Variants in ZIC1 observed in about 807,000 individuals in gnomAD.
The protein encoded by ZIC1 is zinc finger protein ZIC 1.
Under a neutral mutation model 30.9 loss-of-function variants are expected in ZIC1, and 4 were observed. The observed-to-expected ratio is 0.13, with a 90% CI of 0.06 to 0.30. The LOEUF is 0.30. ZIC1 is among the 10% of genes least tolerant of loss of function. The pLI, the probability that ZIC1 is intolerant of heterozygous loss-of-function variation, is 1.00. For synonymous variants in ZIC1, 305 were observed against 277.5 expected (o/e 1.10, Z -0.98); for missense variants, 441 against 639.3 (o/e 0.69, Z 3.34).
Position 147,410,025 on chromosome 3 carries a change from T to C in ZIC1, c.-88T>C, listed in dbSNP as rs2087350916. The C allele has an allele frequency of 4.5e-6, 6 of 1,346,604 alleles. No homozygotes were observed. The highest frequency in any genetic ancestry group is 5.8e-6 in the Non-Finnish European group (6 of 1,031,256). The allele number at this position is 1,346,604 out of a possible 1,614,324, so 83.4% of individuals were successfully genotyped here. A position where few individuals can be genotyped will look rare whatever the true frequency, so the allele number is the denominator to read the frequency against. Reference sequence around the variant, plus strand: ...TTCTTCCTCCTCTTCCTCCTCCTCTTGTTCCTCCTCCTCCTCCCGATTTTC... The same window carrying C: ...TTCTTCCTCCTCTTCCTCCTCCTCTCGTTCCTCCTCCTCCTCCCGATTTTC... On this transcript the variant is annotated 5_prime_UTR_variant, in exon 1 of 3. Transcript: ENST00000282928.
chr3:147,413,247 G>A, intron 2 of ZIC1, 107 bp from the exon 3 acceptor site: 2 of 1,218,502 alleles, frequency 1.6e-6, no homozygotes, highest in Middle Eastern at 2.8e-4. Context: ...CCTGTGTTCA[G>A]GGGGCTCCAA....
chr3:147,411,205 A>G, intron 1 of ZIC1, 111 bp downstream of exon 1: 2 of 1,426,944 alleles, frequency 1.4e-6, no homozygotes, highest in South Asian at 1.4e-5. Flanking sequence ...CCCGGGCGTC[A>G]GGTTCCGGCA....
Position 147,412,690 on chromosome 3 carries a change from C to G in ZIC1, c.1146+9C>G. 3 of 1,604,622 alleles carry G rather than the reference C, an allele frequency of 1.9e-6. No individual in the cohort carries two copies. Among genetic ancestry groups the G allele is most frequent in the Non-Finnish European group, 2.6e-6 (3 of 1,172,480 alleles). ...TGCGCAAACACATGAAGGTAATCGC[C>G]GCACTCTCGTCGCCCCCTTTGAGGC... On this transcript the variant is annotated intron_variant, in intron 2 of 2. Coordinates refer to ENST00000282928, the MANE Select transcript of ZIC1 (RefSeq NM_003412.4).
rs899861671 is a variant in ZIC1, at chr3:147,411,145, C to G, written c.982+51C>G. On this transcript the variant is annotated intron_variant, in intron 1 of 2. Coordinates refer to ENST00000282928, the MANE Select transcript of ZIC1 (RefSeq NM_003412.4). Reference sequence around the variant, plus strand: ...ACCCATTCCCACTTGGGCCTGGGACCCAAACCGAAAGTCAGCGGCCAGGTC... The same window carrying G: ...ACCCATTCCCACTTGGGCCTGGGACGCAAACCGAAAGTCAGCGGCCAGGTC... The G allele has an allele frequency of 9.0e-6, 14 of 1,553,200 alleles. No homozygotes were observed. The East Asian group carries it at 3.2e-4, about 35-fold the overall frequency.
rs772693077 is a variant in ZIC1 at position 147,410,132 on chromosome 3, C to G, written c.20C>G (p.Pro7Arg). 1 of 1,585,792 alleles carries G rather than the reference C, an allele frequency of 6.3e-7. No homozygotes were observed. Among genetic ancestry groups the G allele is most frequent in the Non-Finnish European group, 8.5e-7 (1 of 1,173,484 alleles). Residue 7 changes from proline to arginine, a missense_variant, in exon 1 of 3, where the codon CCC becomes CGC. Coordinates refer to ENST00000282928, the MANE Select transcript of ZIC1 (RefSeq NM_003412.4). Reference protein sequence around the residue: MLLDAGPQYPAIGVTTF... With the variant: MLLDAGRQYPAIGVTTF... Reference sequence around the variant, plus strand: ...GCCACGATGCTCCTGGACGCCGGCCCCCAGTACCCAGCGATCGGCGTGACC... The same window carrying G: ...GCCACGATGCTCCTGGACGCCGGCCGCCAGTACCCAGCGATCGGCGTGACC...
chr3:147,412,790 G>T (rs1036653428), intron 2 of ZIC1, 109 bp downstream of exon 2: 9 of 1,406,574 alleles, frequency 6.4e-6, no homozygotes, highest in Non-Finnish European at 8.7e-6. Context: ...CAGAGGAAGC[G>T]GGAAGGCAAA....
In ZIC1 at chr3:147,415,557, AG is replaced by A. The variant is rs1408001323; in HGVS notation, c.*2008del. ...ACAACGTAGCCGGAGATCACAAATC[AG>A]GCCCTTGGCTGTAGTTGCTAGTGTG... On this transcript the variant is annotated 3_prime_UTR_variant, in exon 3 of 3. Coordinates refer to ENST00000282928, the MANE Select transcript of ZIC1 (RefSeq NM_003412.4). 2 of 152,684 alleles carry A rather than the reference AG, an allele frequency of 1.3e-5. No individual in the cohort carries two copies. Among genetic ancestry groups the A allele is most frequent in the African/African-American group, 4.8e-5 (2 of 41,458 alleles). 9.5% of individuals were successfully genotyped at this position (152,684 alleles called of 1,614,324 possible).
chr3:147,412,108 CG>C (rs2087386219), intron 1 of ZIC1, among the ~76,000 whole-genome samples: 1 of 148,676 alleles, frequency 6.7e-6, no homozygotes, highest in Admixed American at 6.7e-5. Context: ...TGCGGAGCGT[CG>C]GGGAGGGGGC....
chr3:147,412,813 T>C, intron 2 of ZIC1, 132 bp downstream of exon 2: 2 of 1,161,170 alleles, frequency 1.7e-6, no homozygotes, highest in Non-Finnish European at 2.4e-6. Flanking sequence ...TTCCACTCAG[T>C]GGAACTGGGC....
In ZIC1 at chr3:147,416,607, GACTGTGAAGGCCAA is replaced by G. The variant is rs916719445; in HGVS notation, c.*3058_*3071del. 1.3e-5 allele frequency: 2 copies of G among 152,178 alleles called. No homozygotes were observed. Among genetic ancestry groups the G allele is most frequent in the African/African-American group, 4.8e-5 (2 of 41,432 alleles). The allele number at this position is 152,178 out of a possible 1,614,324, so 9.4% of individuals were successfully genotyped here. ...ACTCCATATTTCAAATATCTGTTTA[GACTGTGAAGGCCAA>G]ATAATTTTTAAGAAAACATTTGAAG... is the stretch of plus-strand genomic sequence containing the variant. On this transcript the variant is annotated 3_prime_UTR_variant, in exon 3 of 3. Transcript: ENST00000282928.
chr3:147,412,480 T>C, intron 1 of ZIC1, 38 bp from the exon 2 acceptor site: 1 of 1,598,444 alleles, frequency 6.3e-7, no homozygotes, highest in Non-Finnish European at 8.5e-7. Context: ...GCGGTATTTT[T>C]TTCTAATTAG....
At chr3:147,411,170 C>G in intron 1 of ZIC1, 76 bp downstream of exon 1, 1 of 1,529,398 alleles carries the variant, frequency 6.5e-7, no homozygotes. Context: ...GCGGCCAGGT[C>G]GCACAAACGC....
Position 147,415,294 on chromosome 3 carries a change from G to A in ZIC1, c.*1743G>A, listed in dbSNP as rs375105644. 141 of 152,478 alleles carry A rather than the reference G, an allele frequency of 9.2e-4. No individual in the cohort carries two copies. Among genetic ancestry groups the A allele is most frequent in the African/African-American group, 3.3e-3 (136 of 41,458 alleles). The allele number at this position is 152,478 out of a possible 1,614,324, so 9.4% of individuals were successfully genotyped here. A position where few individuals can be genotyped will look rare whatever the true frequency, so the allele number is the denominator to read the frequency against. ...TATTTCTCATTTACTTAAGAAATTC[G>A]TTCCATTGGTTGGCATTGATACAGT... On this transcript the variant is annotated 3_prime_UTR_variant, in exon 3 of 3. Transcript: ENST00000282928.
rs372593091 is a variant in ZIC1, at chr3:147,410,386, G to T, written c.274G>T (p.Ala92Ser). 7 of 1,602,200 alleles carry T rather than the reference G, an allele frequency of 4.4e-6. No individual in the cohort carries two copies. Among genetic ancestry groups the T allele is most frequent in the Non-Finnish European group, 4.2e-6 (5 of 1,179,664 alleles). Reference sequence around the variant, plus strand: ...GGGCCACGTCGGCTCCTATTCCAGCGCAGCCTTCAACTCCACGCGGGACTT... The same window carrying T: ...GGGCCACGTCGGCTCCTATTCCAGCTCAGCCTTCAACTCCACGCGGGACTT... Reference protein sequence around the residue: ...HPGHVGSYSSAAFNSTRDFLF... With the variant: ...HPGHVGSYSSSAFNSTRDFLF... Residue 92 changes from alanine (A) to serine (S), a missense_variant, in exon 1 of 3, where the codon GCA becomes TCA. Around this residue, in one of 5 missense-constraint regions of ZIC1, gnomAD observed 307 missense variants for 355.3 expected, o/e 0.86. Coordinates refer to ENST00000282928, the MANE Select transcript of ZIC1 (RefSeq NM_003412.4).
In ZIC1 at chr3:147,413,276, C is replaced by T. The variant is rs1460572003; in HGVS notation, c.1147-78C>T. The T allele has an allele frequency of 3.3e-6, 5 of 1,493,352 alleles. No individual in the cohort carries two copies. In the African/African-American group the frequency reaches 5.6e-5, roughly 17 times the overall value. The allele number at this position is 1,493,352 out of a possible 1,614,324, so 92.5% of individuals were successfully genotyped here. A position where few individuals can be genotyped will look rare whatever the true frequency, so the allele number is the denominator to read the frequency against. ...GCTCCAAGGGGTCCAGGAGGAAGGGCACTCGCGGCCTTCGCCTCTCTAGTC... is the reference window on the plus strand; with the variant it reads ...GCTCCAAGGGGTCCAGGAGGAAGGGTACTCGCGGCCTTCGCCTCTCTAGTC... On this transcript the variant is annotated intron_variant, in intron 2 of 2. Coordinates refer to ENST00000282928, the MANE Select transcript of ZIC1 (RefSeq NM_003412.4).
At position 147,413,366 on chromosome 3, in the gene ZIC1, T is replaced by C. The variant is rs2087399607; in HGVS notation, c.1159T>C (p.Ser387Pro). 3 of 1,613,220 alleles carry C rather than the reference T, an allele frequency of 1.9e-6. No individual in the cohort carries two copies. Among genetic ancestry groups the C allele is most frequent in the Non-Finnish European group, 2.5e-6 (3 of 1,179,430 alleles). ...LRKHMKVHESSSQGSQPSPAA... is the reference protein window; with the variant it reads ...LRKHMKVHESPSQGSQPSPAA... ...TTTATTCCTGCAGGTCCACGAATCCTCCTCGCAGGGCTCGCAGCCTTCGCC... is the reference window on the plus strand; with the variant it reads ...TTTATTCCTGCAGGTCCACGAATCCCCCTCGCAGGGCTCGCAGCCTTCGCC... Residue 387 changes from serine (S) to proline (P), a missense_variant, in exon 3 of 3, where the codon TCC becomes CCC. This residue lies in a region of ZIC1 where 31 missense variants were observed against 65.2 expected (regional missense o/e 0.48). Coordinates refer to ENST00000282928, the MANE Select transcript of ZIC1 (RefSeq NM_003412.4).
Position 147,410,159 on chromosome 3 carries a change from C to T in ZIC1, c.47C>T (p.Thr16Ile), listed in dbSNP as rs767396771. 1 of 1,598,652 alleles carries T rather than the reference C, an allele frequency of 6.3e-7. No homozygotes were observed. Among genetic ancestry groups the T allele is most frequent in the Non-Finnish European group, 8.5e-7 (1 of 1,178,738 alleles). The change falls in exon 1 of 3, where the codon ACC becomes ATC. Residue 16 changes from threonine (T) to isoleucine (I), a missense_variant. Transcript: ENST00000282928. The stretch of plus-strand genomic sequence containing the variant: ...CAGTACCCAGCGATCGGCGTGACCA[C>T]CTTTGGCGCGTCCCGCCACCACTCC... ...GPQYPAIGVT[T>I]FGASRHHSAG...
chr3:147,411,323 T>A (rs1269517133), intron 1 of ZIC1, among the ~76,000 whole-genome samples: 6 of 152,222 alleles, frequency 3.9e-5, no homozygotes, highest in Middle Eastern at 6.8e-3. Context: ...ATAGATTTTT[T>A]AAATGAGAAA....
At position 147,414,242 on chromosome 3, in the gene ZIC1, T is replaced by C. The variant is rs1466860536; in HGVS notation, c.*691T>C. On this transcript the variant is annotated 3_prime_UTR_variant, in exon 3 of 3. Coordinates refer to ENST00000282928, the MANE Select transcript of ZIC1 (RefSeq NM_003412.4). ...ACATTTCGTCCCAAAGTCTAAGTAC[T>C]TTAGTGCAGTAAAATGTTGTTTCAT... 1 of 152,616 alleles carries C rather than the reference T, an allele frequency of 6.6e-6. No individual in the cohort carries two copies. Among genetic ancestry groups the C allele is most frequent in the East Asian group, 1.9e-4 (1 of 5,198 alleles). The allele number at this position is 152,616 out of a possible 1,614,324, so 9.5% of individuals were successfully genotyped here.
Sources: allele counts gnomAD v4.1 joint callset (sites outside exome capture counted in the v4.1 genomes callset), GRCh38; gene constraint gnomAD v4.1.1; regional missense constraint gnomAD v4.1.1; transcripts MANE v1.5; gene names NCBI Gene and HGNC (gene_info 2026-07-23, HGNC 2026-07-21).